The following NLRP4 variants were observed in gnomAD, a reference collection of about 807,000 sequenced individuals.
NLRP4 encodes NLR family pyrin domain containing 4.
NLRP4 carries 44 observed loss-of-function variants against 84.7 expected under a neutral mutation model. The ratio of observed to expected loss-of-function variants is 0.52; its 90% CI spans 0.41 to 0.67. The LOEUF (loss-of-function observed/expected upper bound fraction) is 0.67, where lower values mean the gene tolerates loss of function less well. Among genes scored for constraint, NLRP4 ranks in the 30% least tolerant of loss-of-function variants. NLRP4 has a pLI of 0.00. For missense variants in NLRP4, 1,260 were observed against 1,219.4 expected (o/e 1.03, Z -0.50); for synonymous variants, 544 against 476.4 (o/e 1.14, Z -1.85).
intron 7 of NLRP4, among the ~76,000 whole-genome samples, chr19:55,875,938 G>A (rs1985350996): frequency 6.6e-6 from 1 of 152,136 alleles, no homozygotes; most frequent in Admixed American, 6.5e-5. Context: ...TCAGGAGGCT[G>A]AGGCAGGAGA....
intron 1 of NLRP4, among the ~76,000 whole-genome samples, chr19:55,851,740 G>C (rs530134244): frequency 6.6e-6 from 1 of 152,068 alleles, no homozygotes; most frequent in Non-Finnish European, 1.5e-5. Flanking sequence ...CCGAAGCTGC[G>C]GTGTAATTTC....
Position 55,878,784 on chromosome 19 carries a change from T to C in NLRP4, c.2697-10T>C, listed in dbSNP as rs1391706213. The C allele has an allele frequency of 6.2e-7, 1 of 1,607,524 alleles. No homozygotes were observed. Among genetic ancestry groups the C allele is most frequent in the East Asian group, 2.2e-5 (1 of 44,770 alleles). On this transcript the variant is annotated splice_polypyrimidine_tract_variant and intron_variant, in intron 8 of 9. Transcript: ENST00000301295. Reference sequence around the variant, plus strand: ...GGGGCCGCATCTTACCATGTGTCTTTTTATTGCAGGTTGGAAGAATGTGGG... The same window carrying C: ...GGGGCCGCATCTTACCATGTGTCTTCTTATTGCAGGTTGGAAGAATGTGGG...
intron 6 of NLRP4, among the ~76,000 whole-genome samples, 187 bp from the exon 7 acceptor site, chr19:55,870,640 G>T (rs552871684): frequency 6.6e-6 from 1 of 152,328 alleles, no homozygotes; most frequent in Non-Finnish European, 1.5e-5. Context: ...TCCAGCCCGG[G>T]CGACGACAGC....
intron 2 of NLRP4, among the ~76,000 whole-genome samples, chr19:55,857,088 A>C (rs534910566): frequency 1.3e-5 from 2 of 152,224 alleles, no homozygotes; most frequent in African/African-American, 2.4e-5. Context: ...ATATGAAGAG[A>C]TTATTCCATA....
chr19:55,849,855 T>C (rs367704629), intron 1 of NLRP4, among the ~76,000 whole-genome samples: 2,183 of 134,004 alleles, frequency 0.016, 127 homozygotes, highest in African/African-American at 0.029. Context: ...TTTCCGAGAC[T>C]GCGGTGTAAT....
chr19:55,844,463 A>G (rs1442584269), intron 1 of NLRP4, among the ~76,000 whole-genome samples: 2 of 151,994 alleles, frequency 1.3e-5, no homozygotes, highest in Non-Finnish European at 2.9e-5. Flanking sequence ...TTTGGTAGAG[A>G]TGGGATTTTA....
chr19:55,865,348 A>G (rs996832630), intron 5 of NLRP4, among the ~76,000 whole-genome samples: 8 of 152,248 alleles, frequency 5.3e-5, no homozygotes, highest in Non-Finnish European at 1.0e-4. Flanking sequence ...ATAGTATTCC[A>G]TGGTGTATAT....
rs1403875478 is a variant in NLRP4 at position 55,845,648 on chromosome 19, G to A, written c.-65-6368G>A. On this transcript the variant is annotated intron_variant, in intron 1 of 9. Transcript: ENST00000301295. Reference sequence around the variant, plus strand: ...ACTAGTTTACAGTCCCACCAACAGTGTAAAAGTGTTCCTATTTCTCCACAT... The same window carrying A: ...ACTAGTTTACAGTCCCACCAACAGTATAAAAGTGTTCCTATTTCTCCACAT... Among the ~76,000 whole-genome samples the A allele has an allele frequency of 9.2e-5, 14 of 151,782 alleles. No individual in the cohort carries two copies. In the East Asian group the frequency reaches 2.3e-3, roughly 25 times the overall value.
chr19:55,852,326 G>A lies in NLRP4; in HGVS notation c.246G>A (p.Lys82=). ...TLRIFQKMDR[K]DLCMKVMRER... is the part of the protein sequence containing the mutation. ...GAATCTTTCAAAAGATGGATAGAAA[G>A]GATCTCTGCATGAAGGTCATGAGGG... Residue 82 remains lysine, a synonymous_variant, in exon 2 of 10, where the codon AAG becomes AAA. Transcript: ENST00000301295. 1 of 1,606,638 alleles carries A rather than the reference G, an allele frequency of 6.2e-7. No homozygotes were observed. Among genetic ancestry groups the A allele is most frequent in the Non-Finnish European group, 8.5e-7 (1 of 1,177,746 alleles).
rs1568658432 is a variant in NLRP4, at chr19:55,850,032, AGACTGCGGTGTGATTTCCG to A, written c.-65-1983_-65-1965del. ...TTCCGAGACTGCGGTGTGATTTCCG[AGACTGCGGTGTGATTTCCG>A]TAGCTGCGGTGGAATTTCCGAGACT... On this transcript the variant is annotated intron_variant, in intron 1 of 9. Transcript: ENST00000301295. 8.2e-4 allele frequency among the ~76,000 whole-genome samples: 16 copies of A among 19,500 alleles called. 2 individuals are homozygous for A. Among genetic ancestry groups the A allele is most frequent in the Non-Finnish European group, 1.5e-3 (12 of 7,748 alleles). The allele number at this position is 19,500 out of a possible 152,430, so 12.8% of individuals were successfully genotyped here. A position where few individuals can be genotyped will look rare whatever the true frequency, so the allele number is the denominator to read the frequency against.
rs1244976506 is a variant in NLRP4, at chr19:55,858,313, G to A, written c.920G>A (p.Arg307Lys). ...YQPRGFNESD[R>K]LVYFCCFFKD... ...CCCCGGGGATTCAACGAGAGTGATA[G>A]GTTAGTGTATTTCTGCTGTTTCTTC... The change falls in exon 3 of 10, where the codon AGG (arginine) becomes AAG (lysine). Residue 307 changes from arginine (R) to lysine (K), a missense_variant. Physicochemically the swap from Arg to Lys is conservative, Grantham distance 26 (BLOSUM62 2). Coordinates refer to ENST00000301295, the MANE Select transcript of NLRP4 (RefSeq NM_134444.5). The surrounding 1 kb of genome is among the most constrained non-coding windows in gnomAD (Gnocchi z 4.2). The A allele has an allele frequency of 6.2e-7, 1 of 1,614,034 alleles. No individual in the cohort carries two copies. Among genetic ancestry groups the A allele is most frequent in the Admixed American group, 1.7e-5 (1 of 59,998 alleles).
intron 2 of NLRP4, among the ~76,000 whole-genome samples, chr19:55,856,627 T>G (rs944556342): frequency 2.0e-5 from 3 of 150,166 alleles, no homozygotes; most frequent in Non-Finnish European, 4.4e-5. Flanking sequence ...GCGATTCTCC[T>G]GCCTCAGCCT....
At chr19:55,842,041 C>G (rs1221666697) in intron 1 of NLRP4, among the ~76,000 whole-genome samples, 1 of 152,328 alleles carries the variant, frequency 6.6e-6, no homozygotes, top group South Asian at 2.1e-4. Flanking sequence ...TGCTAACTTA[C>G]ATTCCTACCA....
At position 55,862,002 on chromosome 19, in the gene NLRP4, G is replaced by A. The variant is rs772896166; in HGVS notation, c.2029G>A (p.Val677Ile). The change falls in exon 5 of 10, where the codon GTT becomes ATT. Residue 677 changes from valine to isoleucine, a missense_variant. Around this residue, in one of 3 missense-constraint regions of NLRP4, gnomAD observed 544 missense variants for 531.7 expected, o/e 1.02. Transcript: ENST00000301295. The part of the protein sequence containing the change: ...CRLQKLGINN[V>I]SFSGQSVLLF... ...TCTTTGTTTTTGCAGAATAAATAACGTTTCCTTTTCTGGCCAGAGTGTTCT... is the reference window on the plus strand; with the variant it reads ...TCTTTGTTTTTGCAGAATAAATAACATTTCCTTTTCTGGCCAGAGTGTTCT... 4.3e-6 allele frequency: 7 copies of A among 1,613,166 alleles called. No homozygotes were observed. The highest frequency in any genetic ancestry group is 1.6e-4 in the Middle Eastern group (1 of 6,084).
intron 3 of NLRP4, among the ~76,000 whole-genome samples, chr19:55,860,999 A>T (rs112456424): frequency 1.4e-4 from 21 of 152,264 alleles, no homozygotes; most frequent in African/African-American, 5.1e-4. Flanking sequence ...CCTATTTTGG[A>T]TGTGAGACAG....
At chr19:55,867,939 T>C in intron 6 of NLRP4, 63 bp downstream of exon 6, 1 of 1,427,476 alleles carries the variant, frequency 7.0e-7, no homozygotes, top group Non-Finnish European at 9.7e-7. Context: ...CCTGGGCCTA[T>C]TGATGACAGT....
rs866541591 is a variant in NLRP4, at chr19:55,877,117, C to T, written c.2647C>T (p.Leu883=). 6.2e-7 allele frequency: 1 copy of T among 1,614,078 alleles called. No individual in the cohort carries two copies. The highest frequency in any genetic ancestry group is 8.5e-7 in the Non-Finnish European group (1 of 1,179,974). ...TGAAATCGGAGATGTGGGTGTGCAG[C>T]TGTTGTGTCGGGCTCTGACGCATAC... The part of the protein sequence containing the change: ...CNEIGDVGVQ[L]LCRALTHTDC... Residue 883 remains leucine (L), a synonymous_variant, in exon 8 of 10, where the codon CTG becomes TTG. Transcript: ENST00000301295.
Position 55,867,707 on chromosome 19 carries a change from A to G in NLRP4, c.2187-2A>G, listed in dbSNP as rs1030722621. ...GAATGTGACATTTTCCCTTTCCTGC[A>G]GGCTGGTAAATTGTCACCTCTCACC... is the stretch of plus-strand genomic sequence containing the variant. On this transcript the variant is annotated splice_acceptor_variant, in intron 5 of 9. Coordinates refer to ENST00000301295, the MANE Select transcript of NLRP4 (RefSeq NM_134444.5). LOFTEE classifies it high-confidence loss of function. 1.4e-5 allele frequency: 23 copies of G among 1,612,378 alleles called. No homozygotes were observed. Among genetic ancestry groups the G allele is most frequent in the Non-Finnish European group, 1.7e-5 (20 of 1,178,912 alleles).
At chr19:55,860,067 G>A (rs1276613923) in intron 3 of NLRP4, among the ~76,000 whole-genome samples, 1 of 144,748 alleles carries the variant, frequency 6.9e-6, no homozygotes, top group Non-Finnish European at 1.5e-5. Context: ...CTCACTGCAA[G>A]CTCCGCCTCC....
Sources: allele counts gnomAD v4.1 joint callset (sites outside exome capture counted in the v4.1 genomes callset), GRCh38; gene constraint gnomAD v4.1.1; regional missense constraint gnomAD v4.1.1; non-coding constraint Gnocchi (gnomAD v3.1); transcripts MANE v1.5; gene names NCBI Gene and HGNC (gene_info 2026-07-23, HGNC 2026-07-21).